TRAPPC9: variants seen among roughly 807,000 people sequenced by gnomAD.
TRAPPC9 encodes trafficking protein particle complex subunit 9.
A neutral mutation model predicts 124.0 loss-of-function variants in TRAPPC9; 83 were observed. The observed-to-expected ratio is 0.67, with a 90% CI of 0.56 to 0.80. The LOEUF is 0.80. Among genes scored for constraint, TRAPPC9 ranks in the 30% least tolerant of loss-of-function variants. The pLI is 0.00. For synonymous variants in TRAPPC9, 638 were observed against 617.5 expected, an observed-to-expected ratio of 1.03 and a Z score of -0.49; for missense variants, 1,302 against 1,508.3, an observed-to-expected ratio of 0.86 and a Z score of 2.27.
At chr8:140,135,836 G>T (rs1046847369) in intron 17 of TRAPPC9, among the ~76,000 whole-genome samples, 4 of 152,202 alleles carry the variant, frequency 2.6e-5, no homozygotes, top group Non-Finnish European at 5.9e-5. Context: ...GGTAGCAGTC[G>T]CTGTGCTCTG....
intron 17 of TRAPPC9, among the ~76,000 whole-genome samples, chr8:140,048,696 G>T (rs1414354378): frequency 6.6e-6 from 1 of 152,104 alleles, no homozygotes; most frequent in East Asian, 1.9e-4. Context: ...TGAGGTTTAG[G>T]GAGCTGAAGT....
chr8:140,346,172 C>T (rs571843564), intron 9 of TRAPPC9, among the ~76,000 whole-genome samples: 16 of 152,318 alleles, frequency 1.1e-4, no homozygotes, highest in African/African-American at 3.4e-4. Context: ...AGCTGAAACA[C>T]GTGAAACTGC....
chr8:139,851,639 C>T (rs186316071), intron 21 of TRAPPC9, among the ~76,000 whole-genome samples: 19 of 152,186 alleles, frequency 1.2e-4, no homozygotes, highest in East Asian at 1.9e-4. Context: ...TGGAGAGTGC[C>T]GGAAAACCGA....
intron 21 of TRAPPC9, among the ~76,000 whole-genome samples, chr8:139,775,822 G>A (rs574339195): frequency 4.6e-5 from 7 of 152,356 alleles, no homozygotes; most frequent in Admixed American, 4.6e-4. Flanking sequence ...TTGGCTCTCT[G>A]TGGCCATCTG....
chr8:140,283,846 A>T (rs762625344), intron 14 of TRAPPC9, 43 bp downstream of exon 14: 3 of 1,610,622 alleles, frequency 1.9e-6, no homozygotes, highest in Non-Finnish European at 2.5e-6. Flanking sequence ...ACCAAAAATG[A>T]TGCCTCAGAG....
intron 21 of TRAPPC9, among the ~76,000 whole-genome samples, chr8:139,818,065 C>G (rs1161298723): frequency 1.3e-5 from 2 of 152,128 alleles, no homozygotes; most frequent in Admixed American, 6.5e-5. Context: ...GGCTTACTAT[C>G]CTGATTTCAT....
chr8:140,144,651 G>T (rs1226429148), intron 17 of TRAPPC9, among the ~76,000 whole-genome samples: 1 of 152,024 alleles, frequency 6.6e-6, no homozygotes, highest in African/African-American at 2.4e-5. Flanking sequence ...ACCACACCCA[G>T]CTAACTTGTA....
intron 20 of TRAPPC9, among the ~76,000 whole-genome samples, chr8:139,903,850 G>C (rs904752022): frequency 6.6e-6 from 1 of 152,096 alleles, no homozygotes; most frequent in Admixed American, 6.5e-5. Context: ...AGACCAGCCT[G>C]GCCAAAGTGG....
chr8:140,432,239 A>G (rs865997960), intron 4 of TRAPPC9, among the ~76,000 whole-genome samples: 10 of 152,214 alleles, frequency 6.6e-5, no homozygotes, highest in South Asian at 2.1e-4. Context: ...ATAATAAGAA[A>G]TGATCAACAG....
At chr8:139,764,265 C>T (rs939116798) in intron 21 of TRAPPC9, among the ~76,000 whole-genome samples, 4 of 152,012 alleles carry the variant, frequency 2.6e-5, no homozygotes, top group Admixed American at 2.0e-4. Flanking sequence ...CCTTGGAGTC[C>T]GTGTGGCTGT....
intron 18 of TRAPPC9, among the ~76,000 whole-genome samples, chr8:140,013,058 C>A (rs1432606902): frequency 1.3e-5 from 2 of 152,204 alleles, no homozygotes; most frequent in African/African-American, 2.4e-5. Context: ...CTGAGCGGGC[C>A]ACACAGAGGC....
intron 19 of TRAPPC9, among the ~76,000 whole-genome samples, chr8:139,945,323 T>C (rs1424999544): frequency 6.6e-6 from 1 of 151,906 alleles, no homozygotes; most frequent in East Asian, 1.9e-4. Flanking sequence ...TCATATGAAA[T>C]AGACTTCAAG....
intron 19 of TRAPPC9, among the ~76,000 whole-genome samples, chr8:139,985,714 C>A (rs1837200346): frequency 1.3e-5 from 2 of 152,094 alleles, no homozygotes; most frequent in African/African-American, 4.8e-5. Flanking sequence ...GGCTGCAGGG[C>A]CTGGCTTGAC....
chr8:139,989,640 A>T (rs193209394), intron 18 of TRAPPC9, among the ~76,000 whole-genome samples: 2 of 152,244 alleles, frequency 1.3e-5, no homozygotes, highest in Admixed American at 6.5e-5. Context: ...AAGCTCAGTA[A>T]CCATCAGGGA....
chr8:140,366,027 G>A (rs1266780630), intron 8 of TRAPPC9, among the ~76,000 whole-genome samples: 1 of 152,142 alleles, frequency 6.6e-6, no homozygotes, highest in Non-Finnish European at 1.5e-5. Flanking sequence ...GTGGTATTTG[G>A]TTTTCTGTTC....
chr8:140,358,595 C>T (rs931149591), intron 9 of TRAPPC9, among the ~76,000 whole-genome samples: 1 of 152,206 alleles, frequency 6.6e-6, no homozygotes, highest in African/African-American at 2.4e-5. Flanking sequence ...AGACAGAGAA[C>T]AGCCAGGGGA....
chr8:140,349,276 G>A (rs1200445650), intron 9 of TRAPPC9, among the ~76,000 whole-genome samples: 1 of 86,564 alleles, frequency 1.2e-5, no homozygotes, highest in Non-Finnish European at 2.9e-5. Context: ...CGATGGGGGC[G>A]CACGAAGGAA....
chr8:140,254,089 T>A (rs973476621), intron 15 of TRAPPC9, among the ~76,000 whole-genome samples: 2 of 152,116 alleles, frequency 1.3e-5, no homozygotes, highest in African/African-American at 4.8e-5. Context: ...TCTCCACGGC[T>A]CCAGTTCCTA....
Position 139,729,338 on chromosome 8 carries a change from T to C in TRAPPC9, c.*1723A>G, listed in dbSNP as rs888294219. On this transcript the variant is annotated 3_prime_UTR_variant, in exon 23 of 23. Transcript: ENST00000438773. ...GGCGTATTTTTGGGCTCTGTTGAGG[T>C]TGACACACATGGATGCTGTTTGTTC... 2.6e-5 allele frequency among the ~76,000 whole-genome samples: 4 copies of C among 152,256 alleles called. No individual in the cohort carries two copies. Among genetic ancestry groups the C allele is most frequent in the Non-Finnish European group, 5.9e-5 (4 of 68,042 alleles).
Sources: allele counts gnomAD v4.1 joint callset (sites outside exome capture counted in the v4.1 genomes callset), GRCh38; gene constraint gnomAD v4.1.1; transcripts MANE v1.5; gene names NCBI Gene and HGNC (gene_info 2026-07-23, HGNC 2026-07-21).